The following ACSF3 variants were observed in gnomAD, a reference collection of about 807,000 sequenced individuals.
The protein encoded by ACSF3 is malonate--CoA ligase ACSF3, mitochondrial.
Under a neutral mutation model 53.2 loss-of-function variants are expected in ACSF3, and 78 were observed. The observed-to-expected ratio is 1.47, with a 90% CI of 1.22 to 1.77. The LOEUF (loss-of-function observed/expected upper bound fraction) is 1.77, where lower values mean the gene tolerates loss of function less well. ACSF3 is among the 40% of genes most tolerant of loss of function. The probability of loss-of-function intolerance (pLI) is 0.00; values close to 1 mark genes in which losing one functional copy is unlikely to be tolerated. For missense variants in ACSF3, 937 were observed against 771.1 expected (o/e 1.22, Z -2.55); for synonymous variants, 414 against 333.1 (o/e 1.24, Z -2.65).
At chr16:89,110,185 G>A (rs537980606) in intron 4 of ACSF3, among the ~76,000 whole-genome samples, 1 of 152,258 alleles carries the variant, frequency 6.6e-6, no homozygotes, top group Non-Finnish European at 1.5e-5. Context: ...TTTATAGATT[G>A]TGCTTTTGGT....
chr16:89,115,887 G>A (rs4782445), intron 6 of ACSF3, among the ~76,000 whole-genome samples: 102,401 of 152,136 alleles, frequency 0.67, 35,309 homozygotes, highest in Middle Eastern at 0.76. Context: ...TAAAATTCGG[G>A]ACCCAAGTGT....
Position 89,095,775 on chromosome 16 carries a change from G to A in ACSF3, c.-194+1779G>A, listed in dbSNP as rs557914634. ...CGGCCGTTTGTCTTCTGCCTGGCCT[G>A]TGCCGGGCCATTCGTACATTCTCAC... On this transcript the variant is annotated intron_variant, in intron 1 of 10. Coordinates refer to ENST00000614302, the MANE Select transcript of ACSF3 (RefSeq NM_001243279.3). Among the ~76,000 whole-genome samples, 6 of 152,354 alleles carry A rather than the reference G, an allele frequency of 3.9e-5. No homozygotes were observed. The Middle Eastern group carries it at 0.017, about 432-fold the overall frequency.
chr16:89,100,678 T>C lies in ACSF3; in HGVS notation c.-4T>C. 6.3e-7 allele frequency: 1 copy of C among 1,598,790 alleles called. No homozygotes were observed. ...TTTCTCCAGCTCGGCCGCCTGTCAG[T>C]GCAATGCTGCCCCATGTGGTGCTCA... On this transcript the variant is annotated 5_prime_UTR_variant, in exon 3 of 11. Transcript: ENST00000614302.
At chr16:89,100,052 G>GA (rs2151401575) in intron 2 of ACSF3, among the ~76,000 whole-genome samples, 1 of 151,372 alleles carries the variant, frequency 6.6e-6, no homozygotes, top group East Asian at 1.9e-4. Flanking sequence ...GAGGCCACAG[G>GA]ATGGCATGAG....
intron 10 of ACSF3, chr16:89,151,450 A>G (rs1194907937): frequency 3.2e-6 from 1 of 316,674 alleles, no homozygotes; most frequent in African/African-American, 2.2e-5. Context: ...ACGAGAGGAC[A>G]GTGTTCCCAA....
At chr16:89,094,944 G>T (rs539080873) in intron 1 of ACSF3, among the ~76,000 whole-genome samples, 1 of 152,352 alleles carries the variant, frequency 6.6e-6, no homozygotes, top group East Asian at 1.9e-4. Flanking sequence ...ACTGGGCTTG[G>T]AAGAATGATT....
rs9938075 is a variant in ACSF3 at position 89,094,044 on chromosome 16, A to G, written c.-194+48A>G. Reference sequence around the variant, plus strand: ...GACCGCGGCGGGGTCGGCCGGGCGCAGAGCTCTCGGGGGCGCGGGCTCCGG... The same window carrying G: ...GACCGCGGCGGGGTCGGCCGGGCGCGGAGCTCTCGGGGGCGCGGGCTCCGG... On this transcript the variant is annotated intron_variant, in intron 1 of 10. Transcript: ENST00000614302. The G allele has an allele frequency of 0.68, 103,285 of 150,950 alleles. 36,097 individuals carry two copies. The highest frequency in any genetic ancestry group is 0.78 in the East Asian group (4,033 of 5,146). 9.4% of individuals were successfully genotyped at this position (150,950 alleles called of 1,614,324 possible). A position where few individuals can be genotyped will look rare whatever the true frequency, so the allele number is the denominator to read the frequency against.
intron 7 of ACSF3, among the ~76,000 whole-genome samples, chr16:89,125,469 A>G (rs963283629): frequency 6.6e-6 from 1 of 152,154 alleles, no homozygotes; most frequent in Non-Finnish European, 1.5e-5. Context: ...AAGGCAGGCT[A>G]ATCAACTTGA....
chr16:89,109,737 A>G lies in ACSF3; in HGVS notation c.823-2355A>G, dbSNP rs1189072129. Among the ~76,000 whole-genome samples, 5 of 151,622 alleles carry G rather than the reference A, an allele frequency of 3.3e-5. No individual in the cohort carries two copies. The East Asian group carries it at 9.7e-4, about 29-fold the overall frequency. ...CAGATGTTGAGCATTTTTTGTGTTT[A>G]TTTTTACTTTTTTCCTTTTAAATTA... On this transcript the variant is annotated intron_variant, in intron 4 of 10. Transcript: ENST00000614302.
chr16:89,101,306 C>G lies in ACSF3; in HGVS notation c.625C>G (p.Pro209Ala), dbSNP rs201953109. 9.9e-5 allele frequency: 159 copies of G among 1,601,156 alleles called. No homozygotes were observed. Among genetic ancestry groups the G allele is most frequent in the Non-Finnish European group, 1.3e-4 (153 of 1,174,552 alleles). ...CTACACCAGTGGGACCACGGGGAGGCCCAAGGGCGTGCTGAGCACGCACCA... is the reference window on the plus strand; with the variant it reads ...CTACACCAGTGGGACCACGGGGAGGGCCAAGGGCGTGCTGAGCACGCACCA... ...IIYTSGTTGR[P>A]KGVLSTHQNI... is the part of the protein sequence containing the mutation. Residue 209 changes from proline to alanine, a missense_variant, in exon 3 of 11, where the codon CCC (proline) becomes GCC (alanine). Transcript: ENST00000614302.
At chr16:89,136,477 G>GCT in intron 8 of ACSF3, 5 of 1,207,458 alleles carry the variant, frequency 4.1e-6, no homozygotes, top group Non-Finnish European at 5.3e-6. Flanking sequence ...GCTCACAGCT[G>GCT]CCGCTCCTGC....
chr16:89,120,955 A>G (rs753997746), intron 7 of ACSF3, 42 bp downstream of exon 7: 1 of 1,576,454 alleles, frequency 6.3e-7, no homozygotes, highest in Admixed American at 1.7e-5. Context: ...CCGTGTGTCC[A>G]GTCTAGGCCC....
chr16:89,125,155 C>A (rs1466516329), intron 7 of ACSF3, among the ~76,000 whole-genome samples: 2 of 151,984 alleles, frequency 1.3e-5, no homozygotes, highest in Non-Finnish European at 2.9e-5. Flanking sequence ...ACCAGCCTGA[C>A]CAAGATGATG....
At chr16:89,127,179 C>T (rs1908300933) in intron 7 of ACSF3, among the ~76,000 whole-genome samples, 2 of 151,890 alleles carry the variant, frequency 1.3e-5, no homozygotes, top group East Asian at 1.9e-4. Flanking sequence ...CTGTAGTTTC[C>T]CATTTTTGTA....
intron 4 of ACSF3, among the ~76,000 whole-genome samples, chr16:89,104,885 A>G (rs2151423344): frequency 2.0e-5 from 3 of 152,380 alleles, no homozygotes; most frequent in East Asian, 3.9e-4. Context: ...CTGTTTCTTC[A>G]CAGATGATAA....
intron 4 of ACSF3, among the ~76,000 whole-genome samples, chr16:89,107,430 G>A (rs979875695): frequency 1.3e-5 from 2 of 151,972 alleles, no homozygotes; most frequent in African/African-American, 2.4e-5. Context: ...CCTGCTACAC[G>A]CGTGCTCTCC....
At chr16:89,140,738 C>T (rs923912320) in intron 8 of ACSF3, among the ~76,000 whole-genome samples, 2 of 152,118 alleles carry the variant, frequency 1.3e-5, no homozygotes, top group African/African-American at 4.8e-5. Context: ...GACAAGTTCT[C>T]GCTGGGGGAC....
chr16:89,141,412 CG>C (rs1352946347), intron 8 of ACSF3: 5 of 957,042 alleles, frequency 5.2e-6, no homozygotes, highest in Non-Finnish European at 7.1e-6. Context: ...AGGGAAGCAG[CG>C]GGGCCGCCCC....
chr16:89,121,993 C>T (rs182637344), intron 7 of ACSF3, among the ~76,000 whole-genome samples: 74 of 152,108 alleles, frequency 4.9e-4, no homozygotes, highest in Non-Finnish European at 8.7e-4. Flanking sequence ...CTGGGCCCCC[C>T]GCAGTGGGCT....
Sources: allele counts gnomAD v4.1 joint callset (sites outside exome capture counted in the v4.1 genomes callset), GRCh38; gene constraint gnomAD v4.1.1; transcripts MANE v1.5; gene names NCBI Gene and HGNC (gene_info 2026-07-23, HGNC 2026-07-21).